The following RBFOX1 variants were observed in gnomAD, a reference collection of about 807,000 sequenced individuals.
RBFOX1 encodes RNA binding fox-1 homolog 1.
In RBFOX1, 8 loss-of-function variants were observed where a neutral mutation model predicts 57.7. The ratio of observed to expected loss-of-function variants is 0.14; its 90% CI spans 0.08 to 0.25. The LOEUF is 0.25. Ranked by LOEUF, RBFOX1 falls within the 10% of genes least tolerant of loss-of-function variation. RBFOX1 has a pLI of 1.00. For missense variants in RBFOX1, 611 were observed against 548.5 expected (o/e 1.11, Z -1.14); for synonymous variants, 326 against 222.4 (o/e 1.47, Z -4.15).
At chr16:6,166,354 C>T (rs1032786925) in intron 1 of RBFOX1, among the ~76,000 whole-genome samples, 8 of 148,206 alleles carry the variant, frequency 5.4e-5, no homozygotes, top group Non-Finnish European at 1.0e-4. Context: ...CTCAGCTAAC[C>T]AAAGGTTCCA....
At chr16:6,497,229 C>A (rs1178305627) in intron 2 of RBFOX1, among the ~76,000 whole-genome samples, 1 of 152,166 alleles carries the variant, frequency 6.6e-6, no homozygotes, top group Non-Finnish European at 1.5e-5. Flanking sequence ...GTAACTGAGG[C>A]TGGAGAAAGA....
intron 3 of RBFOX1, among the ~76,000 whole-genome samples, chr16:5,618,042 G>A (rs1258615349): frequency 6.6e-6 from 1 of 152,114 alleles, no homozygotes; most frequent in Non-Finnish European, 1.5e-5. Flanking sequence ...TACAAATCTG[G>A]AGTACACAAC....
intron 4 of RBFOX1, among the ~76,000 whole-genome samples, chr16:7,478,944 C>G (rs1398621896): frequency 6.6e-6 from 1 of 151,922 alleles, no homozygotes; most frequent in Non-Finnish European, 1.5e-5. Flanking sequence ...TTCGTTTGTT[C>G]CCGTGCGGAC....
At chr16:6,952,700 G>A (rs564813783) in intron 3 of RBFOX1, among the ~76,000 whole-genome samples, 4 of 152,112 alleles carry the variant, frequency 2.6e-5, no homozygotes, top group South Asian at 4.2e-4. Context: ...TGGTAGGGCC[G>A]GGCACGGTGG....
At chr16:7,060,213 A>G (rs986325060) in intron 4 of RBFOX1, among the ~76,000 whole-genome samples, 3 of 152,212 alleles carry the variant, frequency 2.0e-5, no homozygotes, top group Non-Finnish European at 4.4e-5. Context: ...ATAGCACAAA[A>G]GCAGCCATAG....
intron 1 of RBFOX1, among the ~76,000 whole-genome samples, chr16:5,325,286 C>T (rs2064537028): frequency 1.3e-5 from 2 of 152,112 alleles, no homozygotes; most frequent in Non-Finnish European, 2.9e-5. Flanking sequence ...TGCAGGTTTA[C>T]AGGCATGGCT....
chr16:6,947,934 G>T (rs2079893877), intron 3 of RBFOX1, among the ~76,000 whole-genome samples: 1 of 151,942 alleles, frequency 6.6e-6, no homozygotes, highest in African/African-American at 2.4e-5. Context: ...AACCCACCAT[G>T]CCCAGCTAAT....
intron 2 of RBFOX1, among the ~76,000 whole-genome samples, chr16:6,650,769 C>T (rs1276579210): frequency 6.6e-6 from 1 of 152,146 alleles, no homozygotes; most frequent in Non-Finnish European, 1.5e-5. Flanking sequence ...ACTAATAAAT[C>T]ACCAGCTTCT....
chr16:6,400,185 C>T (rs1275932935), intron 2 of RBFOX1, among the ~76,000 whole-genome samples: 1 of 152,194 alleles, frequency 6.6e-6, no homozygotes, highest in Admixed American at 6.5e-5. Flanking sequence ...AATATCCCCT[C>T]AAAGTAGACT....
intron 6 of RBFOX1, among the ~76,000 whole-genome samples, 176 bp downstream of exon 6, chr16:7,580,096 G>C (rs2093636872): frequency 6.6e-6 from 1 of 152,150 alleles, no homozygotes; most frequent in South Asian, 2.1e-4. Context: ...GTTTTAGCAT[G>C]TATTTCTGTA....
intron 2 of RBFOX1, among the ~76,000 whole-genome samples, chr16:6,540,564 A>G (rs1413377513): frequency 1.4e-5 from 2 of 139,652 alleles, no homozygotes; most frequent in Non-Finnish European, 3.0e-5. Context: ...GTGAGCCGAG[A>G]TTGCACCACT....
chr16:6,527,965 T>C (rs1261092539), intron 2 of RBFOX1, among the ~76,000 whole-genome samples: 8 of 152,180 alleles, frequency 5.3e-5, no homozygotes, highest in Non-Finnish European at 1.2e-4. Flanking sequence ...TGAACCGTCA[T>C]TTCCTATTCA....
At chr16:6,263,166 A>G (rs1432551650) in intron 1 of RBFOX1, among the ~76,000 whole-genome samples, 3 of 152,084 alleles carry the variant, frequency 2.0e-5, no homozygotes, top group Non-Finnish European at 2.9e-5. Context: ...CCTTATATAG[A>G]GAAGATGTCT....
chr16:5,888,503 A>G lies in RBFOX1; in HGVS notation c.351+21168A>G, dbSNP rs563795359. Among the ~76,000 whole-genome samples the G allele has an allele frequency of 1.7e-4, 26 of 152,306 alleles. No homozygotes were observed. In the South Asian group the frequency reaches 5.4e-3, roughly 32 times the overall value. ...CATAGTTGCCAAACACTTAAAAAAA[A>G]TAGTTGTTGAGGCCGGGCGCAGTGG... On this transcript the variant is annotated intron_variant, in intron 4 of 19. Coordinates refer to the RBFOX1 transcript ENST00000641259.
At chr16:6,731,639 C>T (rs975163349) in intron 3 of RBFOX1, among the ~76,000 whole-genome samples, 4 of 152,116 alleles carry the variant, frequency 2.6e-5, no homozygotes, top group Admixed American at 1.3e-4. Context: ...TGTAAACACC[C>T]CAGCTCCCTC....
In RBFOX1 at chr16:7,616,561, C is replaced by T. The variant is rs560004927; in HGVS notation, c.676+9223C>T. Among the ~76,000 whole-genome samples the T allele has an allele frequency of 2.0e-5, 3 of 152,270 alleles. No homozygotes were observed. In the East Asian group the frequency reaches 5.8e-4, roughly 29 times the overall value. On this transcript the variant is annotated intron_variant, in intron 10 of 15. Transcript: ENST00000550418. ...GTCCAAGGCCTCAGGCATACAAAAA[C>T]AATTTTGTTTTTGTTTTTGGGATGG...
chr16:6,168,859 G>C (rs1349940834), intron 1 of RBFOX1, among the ~76,000 whole-genome samples: 3 of 151,562 alleles, frequency 2.0e-5, no homozygotes, highest in African/African-American at 4.9e-5. Context: ...ATTCTCTCTG[G>C]GGTCCAGTGA....
intron 1 of RBFOX1, among the ~76,000 whole-genome samples, chr16:6,066,830 G>C (rs1349139081): frequency 6.6e-6 from 1 of 152,144 alleles, no homozygotes; most frequent in Non-Finnish European, 1.5e-5. Flanking sequence ...TCCACTCAGA[G>C]GTAGAGACAT....
chr16:5,940,257 G>A (rs1050526774), intron 4 of RBFOX1, among the ~76,000 whole-genome samples: 6 of 152,142 alleles, frequency 3.9e-5, no homozygotes, highest in Non-Finnish European at 8.8e-5. Flanking sequence ...TTCTACTTCT[G>A]AGTCGCATCT....
Sources: allele counts gnomAD v4.1 joint callset (sites outside exome capture counted in the v4.1 genomes callset), GRCh38; gene constraint gnomAD v4.1.1; transcripts MANE v1.5; gene names NCBI Gene and HGNC (gene_info 2026-07-23, HGNC 2026-07-21).